COL12A1: variants seen among roughly 807,000 people sequenced by gnomAD.
COL12A1 encodes collagen alpha-1(XII) chain.
COL12A1 carries 114 observed loss-of-function variants against 349.7 expected under a neutral mutation model. The observed-to-expected ratio is 0.33, with a 90% CI of 0.28 to 0.38. The LOEUF (loss-of-function observed/expected upper bound fraction) is 0.38, where lower values mean the gene tolerates loss of function less well. Among genes scored for constraint, COL12A1 ranks in the 10% least tolerant of loss-of-function variants. The pLI is 1.00. For missense variants in COL12A1, 3,284 were observed against 3,756.9 expected, an observed-to-expected ratio of 0.87 and a Z score of 3.29; for synonymous variants, 1,369 against 1,329.0, an observed-to-expected ratio of 1.03 and a Z score of -0.66.
chr6:75,126,617 T>C (rs1766029569), intron 38 of COL12A1, 147 bp from the exon 39 acceptor site: 2 of 948,130 alleles, frequency 2.1e-6, no homozygotes, highest in Admixed American at 2.9e-5. Context: ...TTAAAAGGCA[T>C]TGAAGTATTC....
chr6:75,154,209 G>A (rs1582142994), intron 17 of COL12A1, among the ~76,000 whole-genome samples: 1 of 151,696 alleles, frequency 6.6e-6, no homozygotes, highest in Admixed American at 6.6e-5. Flanking sequence ...ATAATGCAAT[G>A]CTGATAAAAG....
Position 75,089,110 on chromosome 6 carries a change from G to A in COL12A1, c.9006C>T (p.Pro3002=), listed in dbSNP as rs184663595. ...GSSGPRGLPG[P]PGPQGESRTG... ...TTAAAATACTAGCAAACCTACCTGG[G>A]GGGCCAGGCAGCCCCCGAGGTCCTG... Residue 3002 remains proline (P), a synonymous_variant, in exon 64 of 66, where the codon CCC becomes CCT. Coordinates refer to ENST00000322507, the MANE Select transcript of COL12A1 (RefSeq NM_004370.6). 189 of 1,610,630 alleles carry A rather than the reference G, an allele frequency of 1.2e-4. 2 individuals are homozygous for A. In the Admixed American group the frequency reaches 3.1e-3, roughly 26 times the overall value.
At chr6:75,148,852 C>T (rs960791623) in intron 21 of COL12A1, among the ~76,000 whole-genome samples, 6 of 152,150 alleles carry the variant, frequency 3.9e-5, no homozygotes, top group African/African-American at 1.4e-4. Flanking sequence ...AATTGTAGCT[C>T]CCATAAGTCC....
At chr6:75,113,525 C>T (rs1310569374) in intron 50 of COL12A1, 77 bp downstream of exon 50, 1 of 1,395,970 alleles carries the variant, frequency 7.2e-7, no homozygotes, top group African/African-American at 1.5e-5. Context: ...AGTCTATATT[C>T]AGAAAGTTTT....
At chr6:75,170,162 A>T (rs1355152715) in intron 13 of COL12A1, among the ~76,000 whole-genome samples, 1 of 152,216 alleles carries the variant, frequency 6.6e-6, no homozygotes, top group Non-Finnish European at 1.5e-5. Context: ...ATTCAAATAT[A>T]ATTATAACAC....
chr6:75,100,298 G>C (rs1768248802), intron 58 of COL12A1, among the ~76,000 whole-genome samples: 1 of 152,172 alleles, frequency 6.6e-6, no homozygotes, highest in Non-Finnish European at 1.5e-5. Context: ...GGAACCCGCT[G>C]TGTGTCTGCA....
Position 75,119,145 on chromosome 6 carries a change from C to G in COL12A1, c.7252G>C (p.Glu2418Gln). The G allele has an allele frequency of 6.2e-7, 1 of 1,613,958 alleles. No homozygotes were observed. The highest frequency in any genetic ancestry group is 8.5e-7 in the Non-Finnish European group (1 of 1,179,912). Residue 2418 changes from glutamate to glutamine, a missense_variant, in exon 46 of 66, where the codon GAG (glutamate) becomes CAG (glutamine). Coordinates refer to ENST00000322507, the MANE Select transcript of COL12A1 (RefSeq NM_004370.6). ...GGGACATTCTTCCTCATGCCGCTCTCCCAAGTCAAGACTTTCTCCTTGATA... is the reference window on the plus strand; with the variant it reads ...GGGACATTCTTCCTCATGCCGCTCTGCCAAGTCAAGACTTTCTCCTTGATA... ...TFIKEKVLTWESGMRKNVPKV... is the reference protein window; with the variant it reads ...TFIKEKVLTWQSGMRKNVPKV...
At chr6:75,166,027 T>C (rs1401684943) in intron 13 of COL12A1, among the ~76,000 whole-genome samples, 1 of 152,140 alleles carries the variant, frequency 6.6e-6, no homozygotes, top group Non-Finnish European at 1.5e-5. Flanking sequence ...TCAGATAATC[T>C]TGTCCTTCAG....
At chr6:75,155,951 G>A in intron 15 of COL12A1, 97 bp from the exon 16 acceptor site, 12 of 1,294,204 alleles carry the variant, frequency 9.3e-6, no homozygotes, top group Non-Finnish European at 1.3e-5. Flanking sequence ...CCATAAAAAG[G>A]GTTTAAGTCC....
chr6:75,190,465 AAT>A (rs201454654), intron 5 of COL12A1, among the ~76,000 whole-genome samples: 1,783 of 152,138 alleles, frequency 0.012, 13 homozygotes, highest in Non-Finnish European at 0.02. Context: ...AATATATTTA[AAT>A]TTGACAATTA....
At chr6:75,103,877 T>C in intron 54 of COL12A1, 67 bp from the exon 55 acceptor site, 1 of 1,323,706 alleles carries the variant, frequency 7.6e-7, no homozygotes, top group African/African-American at 1.5e-5. Context: ...ATACAAAAAG[T>C]CCTTCAAGAA....
chr6:75,165,871 G>C, intron 13 of COL12A1, 92 bp from the exon 14 acceptor site: 1 of 1,263,582 alleles, frequency 7.9e-7, no homozygotes, highest in Non-Finnish European at 1.1e-6. Flanking sequence ...ATTCTGACTT[G>C]CTGGACTCAC....
intron 51 of COL12A1, 75 bp from the exon 52 acceptor site, chr6:75,109,242 G>A: frequency 1.9e-6 from 2 of 1,067,922 alleles, no homozygotes; most frequent in Middle Eastern, 3.2e-4. Context: ...GTTTAGATCA[G>A]ATTTTTTTGA....
In COL12A1 at chr6:75,156,450, T is replaced by C. The variant is rs753423916; in HGVS notation, c.3057A>G (p.Ala1019=). Residue 1019 remains alanine, a synonymous_variant, in exon 15 of 66, where the codon GCA becomes GCG. Coordinates refer to ENST00000322507, the MANE Select transcript of COL12A1 (RefSeq NM_004370.6). ...CACGGTAGTTGACGACTTTCCCTGG[T>C]GCTGGTTTCCATGTAACTCTCATTG... ...ENTMRVTWKP[A]PGKVVNYRVV... is the part of the protein sequence containing the mutation. 2 of 1,613,950 alleles carry C rather than the reference T, an allele frequency of 1.2e-6. No individual in the cohort carries two copies. The highest frequency in any genetic ancestry group is 1.7e-6 in the Non-Finnish European group (2 of 1,179,908).
At chr6:75,136,444 C>G (rs1306252275) in intron 31 of COL12A1, among the ~76,000 whole-genome samples, 1 of 152,134 alleles carries the variant, frequency 6.6e-6, no homozygotes, top group East Asian at 1.9e-4. Flanking sequence ...TTCAGCTAAG[C>G]TTACTTACTG....
At position 75,115,937 on chromosome 6, in the gene COL12A1, A is replaced by G. The variant is rs368106333; in HGVS notation, c.7559-15T>C. ...CATTTTAAAACCTTTACATCAGAAA[A>G]GAAAATATTAAACGGAGTACATTTT... On this transcript the variant is annotated splice_polypyrimidine_tract_variant and intron_variant, in intron 48 of 65. Transcript: ENST00000322507. 3 of 1,611,888 alleles carry G rather than the reference A, an allele frequency of 1.9e-6. No homozygotes were observed. The African/African-American group carries it at 4.0e-5, about 22-fold the overall frequency.
chr6:75,188,792 C>A (rs1041933980), intron 7 of COL12A1, among the ~76,000 whole-genome samples: 1 of 152,150 alleles, frequency 6.6e-6, no homozygotes, highest in Admixed American at 6.6e-5. Context: ...TCATCCCAAC[C>A]ATACCATCGT....
intron 25 of COL12A1, among the ~76,000 whole-genome samples, chr6:75,144,722 CATATGGTCT>C (rs1767091080): frequency 6.6e-6 from 1 of 152,198 alleles, no homozygotes; most frequent in Non-Finnish European, 1.5e-5. Context: ...GGAAGGAGTC[CATATGGTCT>C]ATACTGCTTT....
intron 31 of COL12A1, 107 bp downstream of exon 31, chr6:75,137,330 A>T: frequency 9.6e-7 from 1 of 1,037,456 alleles, no homozygotes; most frequent in Non-Finnish European, 1.4e-6. Flanking sequence ...GATAAATCTT[A>T]ATATCCCTTA....
Sources: gnomAD v4.1 joint callset for allele counts (sites outside exome capture counted in the v4.1 genomes callset) on GRCh38, gnomAD v4.1.1 for gene constraint, MANE v1.5 for transcripts, NCBI Gene and HGNC (gene_info 2026-07-23, HGNC 2026-07-21) for gene names.